Variants in CPSF3 observed in about 807,000 individuals in gnomAD.
CPSF3 encodes the protein cleavage and polyadenylation specificity factor subunit 3.
In CPSF3, 57 loss-of-function variants were observed where a neutral mutation model predicts 84.1. The observed-to-expected ratio is 0.68, with a 90% confidence interval of 0.55 to 0.85. The LOEUF is 0.85. Among genes scored for constraint, CPSF3 ranks in the 40% least tolerant of loss-of-function variants. The pLI, the probability that CPSF3 is intolerant of heterozygous loss-of-function variation, is 0.00. For synonymous variants in CPSF3, 275 were observed against 278.1 expected (o/e 0.99, Z 0.11); for missense variants, 522 against 838.8 (o/e 0.62, Z 4.66).
chr2:9,450,147 A>C (rs1158479411), intron 11 of CPSF3, among the ~76,000 whole-genome samples: 4 of 122,682 alleles, frequency 3.3e-5, no homozygotes, highest in African/African-American at 1.2e-4. Flanking sequence ...ACAGGCACAA[A>C]TTTTTTTTTT....
rs766617835 is a variant in CPSF3 at position 9,432,689 on chromosome 2, G to A, written c.519+1G>A. 4.0e-6 allele frequency: 6 copies of A among 1,506,424 alleles called. No homozygotes were observed. In the African/African-American group the frequency reaches 8.1e-5, roughly 20 times the overall value. The allele number at this position is 1,506,424 out of a possible 1,614,324, so 93.3% of individuals were successfully genotyped here. A position where few individuals can be genotyped will look rare whatever the true frequency, so the allele number is the denominator to read the frequency against. ...CATGATTGAGATCGCAGGCGTGAAG[G>A]TACCCTCTGGCTGTGGCGCTTTTCT... On this transcript the variant is annotated splice_donor_variant, in intron 5 of 17. Transcript: ENST00000238112. LOFTEE classifies it high-confidence loss of function.
In CPSF3 at chr2:9,456,940, G is replaced by A. The variant is rs781203943; in HGVS notation, c.1611G>A (p.Val537=). Residue 537 remains valine (V), a synonymous_variant, in exon 14 of 18, where the codon GTG becomes GTA. Coordinates refer to ENST00000238112, the MANE Select transcript of CPSF3 (RefSeq NM_016207.4). ...CYQLQKLTGD[V]EELEIQEKPA... Reference sequence around the variant, plus strand: ...GTTATGTCTTTCTTTCAGGTGATGTGGAAGAATTAGAAATTCAAGAAAAAC... The same window carrying A: ...GTTATGTCTTTCTTTCAGGTGATGTAGAAGAATTAGAAATTCAAGAAAAAC... The A allele has an allele frequency of 1.9e-6, 3 of 1,574,162 alleles. No homozygotes were observed. Among genetic ancestry groups the A allele is most frequent in the East Asian group, 4.5e-5 (2 of 44,518 alleles).
chr2:9,470,825 G>C (rs73158028), intron 16 of CPSF3, among the ~76,000 whole-genome samples: 2 of 152,242 alleles, frequency 1.3e-5, no homozygotes, highest in Admixed American at 1.3e-4. Flanking sequence ...CTAGCATGAT[G>C]CCTGCTGAAT....
intron 17 of CPSF3, 24 bp from the exon 18 acceptor site, chr2:9,472,892 G>A: frequency 7.1e-7 from 1 of 1,409,274 alleles, no homozygotes; most frequent in Middle Eastern, 1.8e-4. Flanking sequence ...AATTCTAACA[G>A]TCTTGTTTGT....
intron 2 of CPSF3, 111 bp from the exon 3 acceptor site, chr2:9,429,812 T>C (rs1010082952): frequency 1.3e-5 from 9 of 675,368 alleles, no homozygotes; most frequent in African/African-American, 3.8e-5. Flanking sequence ...TGCTAGTGCC[T>C]GGAGTCCATC....
chr2:9,468,603 A>C (rs1682050893), intron 16 of CPSF3, among the ~76,000 whole-genome samples: 1 of 148,232 alleles, frequency 6.7e-6, no homozygotes, highest in South Asian at 2.1e-4. Context: ...TTCTTTCCCC[A>C]AAATTCTACA....
intron 11 of CPSF3, among the ~76,000 whole-genome samples, chr2:9,452,185 C>T (rs1382804096): frequency 1.3e-5 from 2 of 151,858 alleles, no homozygotes; most frequent in African/African-American, 2.4e-5. Context: ...AAAAATTAGC[C>T]GGGCATGGTG....
At chr2:9,466,347 C>T (rs574759192) in intron 15 of CPSF3, among the ~76,000 whole-genome samples, 37 of 134,626 alleles carry the variant, frequency 2.7e-4, no homozygotes, top group South Asian at 1.8e-3. Flanking sequence ...CACACGCGCG[C>T]GCGCGCACAC....
At chr2:9,466,396 A>T (rs561679342) in intron 15 of CPSF3, among the ~76,000 whole-genome samples, 17 of 140,810 alleles carry the variant, frequency 1.2e-4, no homozygotes, top group Admixed American at 8.4e-4. Flanking sequence ...ACACGCGCAC[A>T]CACACGCACG....
chr2:9,466,384 ACACACGCGCACACACACGCACGCG>A lies in CPSF3; in HGVS notation c.1787-1317_1787-1294del, dbSNP rs1405327987. ...CACACGCACACACCCACGCACTCGC[ACACACGCGCACACACACGCACGCG>A]CACACACGCACACGCGCACACACGC... On this transcript the variant is annotated intron_variant, in intron 15 of 17. Coordinates refer to ENST00000238112, the MANE Select transcript of CPSF3 (RefSeq NM_016207.4). Among the ~76,000 whole-genome samples the A allele has an allele frequency of 4.9e-3, 390 of 79,312 alleles. 4 individuals are homozygous for A. Among genetic ancestry groups the A allele is most frequent in the African/African-American group, 0.012 (365 of 30,630 alleles). The allele number at this position is 79,312 out of a possible 152,430, so 52.0% of individuals were successfully genotyped here.
intron 4 of CPSF3, among the ~76,000 whole-genome samples, chr2:9,431,514 T>A (rs1680585429): frequency 8.5e-6 from 1 of 118,108 alleles, no homozygotes; most frequent in African/African-American, 3.1e-5. Context: ...CACACAAAGA[T>A]AAATAAATAT....
intron 15 of CPSF3, among the ~76,000 whole-genome samples, chr2:9,466,315 C>T (rs1203082121): frequency 2.7e-5 from 2 of 75,424 alleles, no homozygotes; most frequent in Non-Finnish European, 4.0e-5. Flanking sequence ...CGCACACTGA[C>T]GCACGCACAC....
chr2:9,432,360 A>C (rs1572769255), intron 4 of CPSF3, 151 bp from the exon 5 acceptor site: 1 of 560,692 alleles, frequency 1.8e-6, no homozygotes, highest in East Asian at 3.2e-5. Context: ...AAAAATACAC[A>C]AAATATCTGA....
intron 15 of CPSF3, among the ~76,000 whole-genome samples, chr2:9,461,038 T>C (rs1681710809): frequency 6.6e-6 from 1 of 152,268 alleles, no homozygotes; most frequent in Admixed American, 6.5e-5. Context: ...GTAATTCATT[T>C]CTTATGCTGC....
At chr2:9,453,438 A>G (rs1681403303) in intron 12 of CPSF3, among the ~76,000 whole-genome samples, 1 of 152,238 alleles carries the variant, frequency 6.6e-6, no homozygotes, top group Non-Finnish European at 1.5e-5. Flanking sequence ...CAAAAGGAGT[A>G]GGAACAAAAA....
intron 15 of CPSF3, among the ~76,000 whole-genome samples, chr2:9,462,625 G>C (rs1368681777): frequency 6.6e-6 from 1 of 152,170 alleles, no homozygotes; most frequent in Admixed American, 6.5e-5. Context: ...ATACGGGAAG[G>C]AATACATGAC....
chr2:9,472,052 G>A (rs536712008), intron 17 of CPSF3, among the ~76,000 whole-genome samples: 43 of 144,356 alleles, frequency 3.0e-4, no homozygotes, highest in Middle Eastern at 4.1e-3. Context: ...GGTGGTTCAC[G>A]CCTGTAATCC....
chr2:9,427,321 C>G (rs578035908), intron 1 of CPSF3, among the ~76,000 whole-genome samples: 3 of 152,172 alleles, frequency 2.0e-5, no homozygotes, highest in African/African-American at 7.2e-5. Context: ...ATTGTACCAA[C>G]ATGAAGTTGA....
chr2:9,456,189 T>G (rs1173887829), intron 13 of CPSF3, among the ~76,000 whole-genome samples: 1 of 150,368 alleles, frequency 6.7e-6, no homozygotes, highest in Non-Finnish European at 1.5e-5. Context: ...TAAGAGTTCA[T>G]GACCACTGGC....
Sources: allele counts gnomAD v4.1 joint callset (sites outside exome capture counted in the v4.1 genomes callset), GRCh38; gene constraint gnomAD v4.1.1; transcripts MANE v1.5; gene names NCBI Gene and HGNC (gene_info 2026-07-23, HGNC 2026-07-21).